CSMD1: variants seen among roughly 807,000 people sequenced by gnomAD.
The protein encoded by CSMD1 is CUB and Sushi multiple domains 1, also known as CUB and sushi domain-containing protein 1.
Under a neutral mutation model 417.5 loss-of-function variants are expected in CSMD1, and 213 were observed. That is an observed-to-expected ratio of 0.51 (90% confidence interval 0.46 to 0.57). CSMD1 has a LOEUF of 0.57. Among genes scored for constraint, CSMD1 ranks in the 20% least tolerant of loss-of-function variants. The pLI is 0.00. For missense variants in CSMD1, 6,923 were observed against 4,529.7 expected, an observed-to-expected ratio of 1.53 and a Z score of -15.17; for synonymous variants, 2,862 against 1,736.8, an observed-to-expected ratio of 1.65 and a Z score of -16.11.
intron 5 of CSMD1, among the ~76,000 whole-genome samples, chr8:3,916,273 T>C (rs1584958832): frequency 6.6e-6 from 1 of 152,090 alleles, no homozygotes; most frequent in Non-Finnish European, 1.5e-5. Flanking sequence ...CCCAGAAAGC[T>C]TTTGTGGAAA....
At chr8:4,033,036 G>A (rs976403767) in intron 3 of CSMD1, among the ~76,000 whole-genome samples, 2 of 145,050 alleles carry the variant, frequency 1.4e-5, no homozygotes, top group East Asian at 2.1e-4. Context: ...AAAAACATTG[G>A]TCTCTTCAAT....
At chr8:4,145,620 C>T (rs1288819312) in intron 3 of CSMD1, among the ~76,000 whole-genome samples, 1 of 150,864 alleles carries the variant, frequency 6.6e-6, no homozygotes, top group Non-Finnish European at 1.5e-5. Context: ...AAGTCCTCGG[C>T]TCAAGCGATC....
At chr8:4,016,276 A>G (rs1165687378) in intron 4 of CSMD1, among the ~76,000 whole-genome samples, 1 of 152,146 alleles carries the variant, frequency 6.6e-6, no homozygotes, top group Non-Finnish European at 1.5e-5. Context: ...AGGTACCTAA[A>G]AAGATTCCAG....
intron 41 of CSMD1, among the ~76,000 whole-genome samples, chr8:3,131,966 G>A (rs1448163707): frequency 6.6e-6 from 1 of 152,098 alleles, no homozygotes; most frequent in Admixed American, 6.6e-5. Flanking sequence ...CTTAACAGGG[G>A]ATGCAAATTC....
intron 2 of CSMD1, among the ~76,000 whole-genome samples, chr8:4,446,861 T>A (rs192689775): frequency 6.6e-6 from 1 of 151,026 alleles, no homozygotes; most frequent in East Asian, 2.0e-4. Flanking sequence ...GACCTTGTGA[T>A]CCACCCGCCT....
intron 3 of CSMD1, among the ~76,000 whole-genome samples, chr8:4,082,359 T>C (rs1800183309): frequency 6.6e-6 from 1 of 152,148 alleles, no homozygotes; most frequent in Non-Finnish European, 1.5e-5. Flanking sequence ...CAGGCCCAGA[T>C]GGTTTCACTG....
intron 3 of CSMD1, among the ~76,000 whole-genome samples, chr8:4,362,793 G>C (rs1048900178): frequency 2.0e-5 from 3 of 152,174 alleles, no homozygotes; most frequent in Admixed American, 1.3e-4. Flanking sequence ...AAAAATGAAA[G>C]GGAATTATTA....
At chr8:4,801,829 CA>C (rs767127976) in intron 1 of CSMD1, among the ~76,000 whole-genome samples, 1 of 152,112 alleles carries the variant, frequency 6.6e-6, no homozygotes, top group Non-Finnish European at 1.5e-5. Flanking sequence ...TCTAAAATGA[CA>C]AAGGATAGAA....
chr8:4,645,443 G>GAAAAAAAAAA (rs1803457663), intron 1 of CSMD1, among the ~76,000 whole-genome samples: 1 of 12,052 alleles, frequency 8.3e-5, no homozygotes, highest in Admixed American at 1.5e-3. Flanking sequence ...TAGTGCAGGG[G>GAAAAAAAAAA]CAAAAAAAAA....
intron 25 of CSMD1, among the ~76,000 whole-genome samples, chr8:3,296,619 G>C (rs1584949610): frequency 6.6e-6 from 1 of 152,164 alleles, no homozygotes; most frequent in East Asian, 1.9e-4. Flanking sequence ...CCAAGAAAGT[G>C]GCGTATGTGC....
intron 7 of CSMD1, among the ~76,000 whole-genome samples, chr8:3,665,145 G>C (rs1257516665): frequency 6.6e-6 from 1 of 152,142 alleles, no homozygotes; most frequent in Admixed American, 6.6e-5. Context: ...TTTGTATCAT[G>C]AGCATTGACC....
chr8:4,628,725 C>T (rs1489227169), intron 2 of CSMD1, among the ~76,000 whole-genome samples: 2 of 151,666 alleles, frequency 1.3e-5, no homozygotes, highest in African/African-American at 4.8e-5. Context: ...TCATGGGAAG[C>T]CATCTAAGAG....
chr8:3,247,564 C>T lies in CSMD1; in HGVS notation c.4154-17333G>A, dbSNP rs77397148. Among the ~76,000 whole-genome samples the T allele has an allele frequency of 9.2e-4, 140 of 152,318 alleles. 2 individuals carry two copies. The East Asian group carries it at 0.023, about 25-fold the overall frequency. On this transcript the variant is annotated intron_variant, in intron 26 of 69. Transcript: ENST00000635120. ...GGCCAGGATGCCAGGGTCTTGAATACGCAGAGGATGGCCCAGGACATTCTC... is the reference window on the plus strand; with the variant it reads ...GGCCAGGATGCCAGGGTCTTGAATATGCAGAGGATGGCCCAGGACATTCTC...
intron 12 of CSMD1, among the ~76,000 whole-genome samples, chr8:3,426,002 T>C (rs769527083): frequency 3.3e-5 from 5 of 152,164 alleles, no homozygotes; most frequent in Non-Finnish European, 5.9e-5. Flanking sequence ...GCTGGGTCTA[T>C]GTAGAATCAG....
At chr8:4,306,092 G>A (rs1045216883) in intron 3 of CSMD1, among the ~76,000 whole-genome samples, 2 of 152,122 alleles carry the variant, frequency 1.3e-5, no homozygotes, top group East Asian at 1.9e-4. Flanking sequence ...ATGTTATAAT[G>A]AATCTTCTTT....
intron 39 of CSMD1, among the ~76,000 whole-genome samples, chr8:3,156,221 G>C (rs755844406): frequency 6.6e-6 from 1 of 152,192 alleles, no homozygotes; most frequent in African/African-American, 2.4e-5. Context: ...GCATGTTTGA[G>C]GCTGACTGTC....
intron 1 of CSMD1, among the ~76,000 whole-genome samples, chr8:4,908,012 T>G (rs190048776): frequency 1.5e-4 from 22 of 147,730 alleles, no homozygotes; most frequent in Non-Finnish European, 1.9e-4. Flanking sequence ...ATTATTACTT[T>G]TAAAATAATT....
At chr8:4,761,353 C>T (rs1056149669) in intron 1 of CSMD1, among the ~76,000 whole-genome samples, 1 of 148,834 alleles carries the variant, frequency 6.7e-6, no homozygotes, top group African/African-American at 2.5e-5. Flanking sequence ...TTAATTACAT[C>T]TTGAAATCGT....
chr8:4,668,768 G>C (rs1661527871), intron 1 of CSMD1, among the ~76,000 whole-genome samples: 1 of 151,956 alleles, frequency 6.6e-6, no homozygotes, highest in African/African-American at 2.4e-5. Flanking sequence ...TCCATTTCCA[G>C]TGTTCTCTTC....
Sources: gnomAD v4.1 joint callset for allele counts (sites outside exome capture counted in the v4.1 genomes callset) on GRCh38, gnomAD v4.1.1 for gene constraint, MANE v1.5 for transcripts, NCBI Gene and HGNC (gene_info 2026-07-23, HGNC 2026-07-21) for gene names.